The following KRT80 variants were observed in gnomAD, a reference collection of about 807,000 sequenced individuals.
KRT80 encodes keratin, type II cytoskeletal 80.
A neutral mutation model predicts 51.5 loss-of-function variants in KRT80; 36 were observed. The ratio of observed to expected loss-of-function variants is 0.70; its 90% CI spans 0.54 to 0.92. The LOEUF (loss-of-function observed/expected upper bound fraction) is 0.92, where lower values mean the gene tolerates loss of function less well. Ranked by LOEUF, KRT80 falls within the 40% of genes least tolerant of loss-of-function variation. KRT80 has a pLI of 0.00. For synonymous variants in KRT80, 235 were observed against 248.3 expected, an observed-to-expected ratio of 0.95 and a Z score of 0.50; for missense variants, 566 against 591.7, an observed-to-expected ratio of 0.96 and a Z score of 0.45.
In KRT80 at chr12:52,173,710, C is replaced by A; in HGVS notation, c.721G>T (p.Asp241Tyr). ...CTCAGGTCGATGTGGCAGCGGCTGTCCATGCCGACGGTCACCGACACATCC... is the reference window on the plus strand; with the variant it reads ...CTCAGGTCGATGTGGCAGCGGCTGTACATGCCGACGGTCACCGACACATCC... The part of the protein sequence containing the change: ...VKDVSVTVGM[D>Y]SRCHIDLSGI... The change falls in exon 5 of 9, where the codon GAC (aspartate) becomes TAC (tyrosine). Residue 241 changes from aspartate to tyrosine, a missense_variant. By Grantham distance (160) the Asp-to-Tyr change is radical. Transcript: ENST00000394815. The A allele has an allele frequency of 6.2e-7, 1 of 1,612,640 alleles. No individual in the cohort carries two copies.
rs1234908749 is a variant in KRT80, at chr12:52,180,434, G to A, written c.666+79C>T. ...TTGGAGGTTCCATGCCCCACTGGAT[G>A]GCTGTGCTTCCCCTGTGTCCTTTAC... On this transcript the variant is annotated intron_variant, in intron 4 of 8. Coordinates refer to ENST00000394815, the MANE Select transcript of KRT80 (RefSeq NM_182507.3). 4.3e-6 allele frequency: 4 copies of A among 939,400 alleles called. No homozygotes were observed. The African/African-American group carries it at 5.0e-5, about 12-fold the overall frequency. 58.2% of individuals were successfully genotyped at this position (939,400 alleles called of 1,614,324 possible).
chr12:52,180,895 C>T lies in KRT80; in HGVS notation c.570+8G>A, dbSNP rs770321498. 10 of 1,595,140 alleles carry T rather than the reference C, an allele frequency of 6.3e-6. No individual in the cohort carries two copies. Among genetic ancestry groups the T allele is most frequent in the Non-Finnish European group, 8.5e-6 (10 of 1,173,744 alleles). ...GAAGGAGCCCCTGGGGCAGGCTGGG[C>T]AGGCTACCTTCTTCAGCTGAACAAA... On this transcript the variant is annotated splice_region_variant and intron_variant, in intron 3 of 8. Transcript: ENST00000394815.
chr12:52,182,081 G>A (rs1941331832), intron 2 of KRT80, among the ~76,000 whole-genome samples: 1 of 152,196 alleles, frequency 6.6e-6, no homozygotes, highest in Non-Finnish European at 1.5e-5. Context: ...CAGGGCACGT[G>A]GGTTTCTGGT....
At position 52,191,671 on chromosome 12, in the gene KRT80, G is replaced by T. The variant is rs752828937; in HGVS notation, c.232C>A (p.Gln78Lys). The change falls in exon 1 of 9, where the codon CAG becomes AAG. Residue 78 changes from glutamine to lysine, a missense_variant. Coordinates refer to ENST00000394815, the MANE Select transcript of KRT80 (RefSeq NM_182507.3). ...LDVKLDPAVQ[Q>K]LKNQEKEEMK... ...TCCTCCTTCTCCTGGTTCTTCAGCT[G>T]CTGAACAGCGGGGTCCAACTTGACA... 12 of 1,612,882 alleles carry T rather than the reference G, an allele frequency of 7.4e-6. No individual in the cohort carries two copies. Among genetic ancestry groups the T allele is most frequent in the Non-Finnish European group, 9.3e-6 (11 of 1,179,184 alleles).
At position 52,185,442 on chromosome 12, in the gene KRT80, T is replaced by A; in HGVS notation, c.446A>T (p.Glu149Val). Residue 149 changes from glutamate (E) to valine (V), a missense_variant, in exon 2 of 9, where the codon GAG becomes GTG. Glu to Val is a moderately radical substitution (Grantham distance 121). Coordinates refer to ENST00000394815, the MANE Select transcript of KRT80 (RefSeq NM_182507.3). ...CAGGTTGGCCTCCAGCTGCCCCCGC[T>A]CCTGGCTCACTTTGCGCAGTTCCTC... Reference protein sequence around the residue: ...LQEELRKVSQERGQLEANLLQ... With the variant: ...LQEELRKVSQVRGQLEANLLQ... 6.2e-7 allele frequency: 1 copy of A among 1,614,076 alleles called. No individual in the cohort carries two copies. Among genetic ancestry groups the A allele is most frequent in the Non-Finnish European group, 8.5e-7 (1 of 1,180,018 alleles).
chr12:52,190,572 G>A (rs960533800), intron 1 of KRT80, among the ~76,000 whole-genome samples: 3 of 152,228 alleles, frequency 2.0e-5, no homozygotes, highest in East Asian at 3.8e-4. Context: ...TGAGCCAGGG[G>A]CTGAAGGCTG....
rs1592368475 is a variant in KRT80 at position 52,190,646 on chromosome 12, A to G, written c.300+957T>C. ...TTCCTTATCTGTGAAATGGACATAA[A>G]ATTGTCTTCTCCCATAAGGTTGTTG... On this transcript the variant is annotated intron_variant, in intron 1 of 8. Transcript: ENST00000394815. Among the ~76,000 whole-genome samples, 3 of 152,316 alleles carry G rather than the reference A, an allele frequency of 2.0e-5. No homozygotes were observed. The East Asian group carries it at 5.8e-4, about 29-fold the overall frequency.
chr12:52,174,176 TG>T (rs1941176658), intron 4 of KRT80, among the ~76,000 whole-genome samples: 1 of 152,172 alleles, frequency 6.6e-6, no homozygotes, highest in Non-Finnish European at 1.5e-5. Flanking sequence ...TCCTGTGCTG[TG>T]GGGTACAGCT....
Position 52,191,916 on chromosome 12 carries a change from G to A in KRT80, c.-14C>T, listed in dbSNP as rs933252417. 2.4e-5 allele frequency: 35 copies of A among 1,452,550 alleles called. No individual in the cohort carries two copies. Among genetic ancestry groups the A allele is most frequent in the South Asian group, 4.3e-5 (3 of 69,798 alleles). 90.0% of individuals were successfully genotyped at this position (1,452,550 alleles called of 1,614,324 possible). On this transcript the variant is annotated 5_prime_UTR_variant, in exon 1 of 9. Coordinates refer to ENST00000394815, the MANE Select transcript of KRT80 (RefSeq NM_182507.3). ...GCGGCAGGCCATGGTGCCCCCGGCC[G>A]GAAGCAGGAGGGCCCAGGGGGGTGA...
chr12:52,191,164 C>CTG (rs1261240713), intron 1 of KRT80, among the ~76,000 whole-genome samples: 3 of 152,320 alleles, frequency 2.0e-5, no homozygotes, highest in South Asian at 2.1e-4. Flanking sequence ...GAGAGAGATG[C>CTG]TGTGGGACCA....
chr12:52,181,742 G>C (rs1218942944), intron 2 of KRT80, among the ~76,000 whole-genome samples: 1 of 152,068 alleles, frequency 6.6e-6, no homozygotes, highest in Non-Finnish European at 1.5e-5. Flanking sequence ...GGGTGGGGAG[G>C]ACAGGACCCC....
intron 4 of KRT80, among the ~76,000 whole-genome samples, chr12:52,176,535 G>A (rs1941226404): frequency 6.7e-6 from 1 of 149,536 alleles, no homozygotes; most frequent in Non-Finnish European, 1.5e-5. Context: ...AGGTTGGAGT[G>A]TGGTGGCGCA....
chr12:52,176,465 C>T lies in KRT80; in HGVS notation c.667-2701G>A, dbSNP rs138303065. 4.6e-4 allele frequency among the ~76,000 whole-genome samples: 70 copies of T among 151,112 alleles called. 3 individuals are homozygous for T. The East Asian group carries it at 0.013, about 29-fold the overall frequency. On this transcript the variant is annotated intron_variant, in intron 4 of 8. Coordinates refer to ENST00000394815, the MANE Select transcript of KRT80 (RefSeq NM_182507.3). Reference sequence around the variant, plus strand: ...AATGGCTCTGGACACTGAATGCCATCACTTCTTCTTCTTCTTCTTTTTTTT... The same window carrying T: ...AATGGCTCTGGACACTGAATGCCATTACTTCTTCTTCTTCTTCTTTTTTTT...
intron 3 of KRT80, 110 bp downstream of exon 3, chr12:52,180,793 T>TTA (rs1311296202): frequency 6.3e-7 from 1 of 1,593,984 alleles, no homozygotes; most frequent in Admixed American, 1.8e-5. Flanking sequence ...GTCCTGGGAC[T>TTA]TAAGCCTCTG....
chr12:52,191,767 G>A lies in KRT80; in HGVS notation c.136C>T (p.Leu46Phe). 1 of 1,612,814 alleles carries A rather than the reference G, an allele frequency of 6.2e-7. No individual in the cohort carries two copies. Among genetic ancestry groups the A allele is most frequent in the Non-Finnish European group, 8.5e-7 (1 of 1,179,612 alleles). Reference sequence around the variant, plus strand: ...GTGCCAGCCGACCAGCAGCCTGTGAGGCTGCGGGAGCTGAAGCCCGGCCCG... The same window carrying A: ...GTGCCAGCCGACCAGCAGCCTGTGAAGCTGCGGGAGCTGAAGCCCGGCCCG... Reference protein sequence around the residue: ...APGPGFSSRSLTGCWSAGTIS... With the variant: ...APGPGFSSRSFTGCWSAGTIS... The change falls in exon 1 of 9, where the codon CTC becomes TTC. Residue 46 changes from leucine to phenylalanine, a missense_variant. Coordinates refer to ENST00000394815, the MANE Select transcript of KRT80 (RefSeq NM_182507.3).
In KRT80 at chr12:52,173,163, G is replaced by C. The variant is rs747311407; in HGVS notation, c.832C>G (p.Leu278Val). 3 of 1,607,602 alleles carry C rather than the reference G, an allele frequency of 1.9e-6. No individual in the cohort carries two copies. The African/African-American group carries it at 4.0e-5, about 21-fold the overall frequency. The change falls in exon 6 of 9, where the codon CTG becomes GTG. Residue 278 changes from leucine to valine, a missense_variant and splice_region_variant. By Grantham distance (32) the Leu-to-Val change is conservative. Coordinates refer to ENST00000394815, the MANE Select transcript of KRT80 (RefSeq NM_182507.3). ...EEAEAYSRSQ[L>V]EEQAARSAEY... Reference sequence around the variant, plus strand: ...GCCGAGCGGGCGGCCTGCTCCTCCAGCTGGAGGTACATGGAGGTCTCAGTG... The same window carrying C: ...GCCGAGCGGGCGGCCTGCTCCTCCACCTGGAGGTACATGGAGGTCTCAGTG...
intron 2 of KRT80, among the ~76,000 whole-genome samples, chr12:52,182,205 G>A (rs562194432): frequency 6.6e-6 from 1 of 152,214 alleles, no homozygotes; most frequent in Non-Finnish European, 1.5e-5. Context: ...AGGCCGGGGA[G>A]AACGTTCTGC....
At chr12:52,178,099 G>A (rs1941261990) in intron 4 of KRT80, among the ~76,000 whole-genome samples, 1 of 152,192 alleles carries the variant, frequency 6.6e-6, no homozygotes, top group African/African-American at 2.4e-5. Flanking sequence ...TTAGCCTGCA[G>A]CAGTGTATGG....
Position 52,187,295 on chromosome 12 carries a change from C to T in KRT80, c.301-1708G>A, listed in dbSNP as rs183160727. ...CCCAGGCTCCCAGAATCGTAGCCTG[C>T]GAGAGCTGCCAGCAGCCTTTTGGAT... On this transcript the variant is annotated intron_variant, in intron 1 of 8. Coordinates refer to ENST00000394815, the MANE Select transcript of KRT80 (RefSeq NM_182507.3). Among the ~76,000 whole-genome samples the T allele has an allele frequency of 2.6e-3, 397 of 152,340 alleles. 1 individual carries two copies. Among genetic ancestry groups the T allele is most frequent in the African/African-American group, 9.1e-3 (377 of 41,558 alleles).
Sources: gnomAD v4.1 joint callset for allele counts (sites outside exome capture counted in the v4.1 genomes callset) on GRCh38, gnomAD v4.1.1 for gene constraint, MANE v1.5 for transcripts, NCBI Gene and HGNC (gene_info 2026-07-23, HGNC 2026-07-21) for gene names.